The following FGF14 variants were observed in gnomAD, a reference collection of about 807,000 sequenced individuals.
FGF14 encodes fibroblast growth factor 14, also known as fibroblast growth factor homologous factor 4.
Under a neutral mutation model 25.5 loss-of-function variants are expected in FGF14, and 5 were observed. The observed-to-expected ratio is 0.20, with a 90% CI of 0.10 to 0.41. The LOEUF (loss-of-function observed/expected upper bound fraction) is 0.41, where lower values mean the gene tolerates loss of function less well. Ranked by LOEUF, FGF14 falls within the 10% of genes least tolerant of loss-of-function variation. FGF14 has a pLI of 1.00. For synonymous variants in FGF14, 138 were observed against 118.3 expected (o/e 1.17, Z -1.08); for missense variants, 222 against 320.1 (o/e 0.69, Z 2.34).
intron 3 of FGF14, among the ~76,000 whole-genome samples, chr13:101,856,129 T>A (rs569660772): frequency 6.6e-6 from 1 of 151,890 alleles, no homozygotes; most frequent in African/African-American, 2.4e-5. Context: ...GTGGAAAAAA[T>A]TTCTTAATAA....
rs531531461 is a variant in FGF14, at chr13:102,376,237, T to A, written c.208+25234A>T. Among the ~76,000 whole-genome samples, 3 of 152,204 alleles carry A rather than the reference T, an allele frequency of 2.0e-5. No homozygotes were observed. The East Asian group carries it at 5.8e-4, about 29-fold the overall frequency. ...AATAAGTCTCACGAGATCTGACGGTTTATACATGGCAGTTTCCCTACACAA... is the reference window on the plus strand; with the variant it reads ...AATAAGTCTCACGAGATCTGACGGTATATACATGGCAGTTTCCCTACACAA... On this transcript the variant is annotated intron_variant, in intron 1 of 4. Coordinates refer to the FGF14 transcript ENST00000376131.
At chr13:101,998,062 C>T (rs914060825) in intron 1 of FGF14, among the ~76,000 whole-genome samples, 3 of 151,992 alleles carry the variant, frequency 2.0e-5, no homozygotes, top group African/African-American at 4.8e-5. Context: ...TAATCTTTTA[C>T]GATACTTGGA....
intron 1 of FGF14, among the ~76,000 whole-genome samples, chr13:102,108,362 C>T (rs1337203324): frequency 2.0e-5 from 3 of 152,272 alleles, no homozygotes; most frequent in East Asian, 1.9e-4. Flanking sequence ...TGCATATGTT[C>T]GTATTCCTAA....
Position 101,990,899 on chromosome 13 carries a change from G to A in FGF14, c.209-115603C>T, listed in dbSNP as rs779111871. Among the ~76,000 whole-genome samples the A allele has an allele frequency of 5.9e-5, 9 of 152,200 alleles. No individual in the cohort carries two copies. The East Asian group carries it at 1.2e-3, about 20-fold the overall frequency. ...AACATACTCCACAAAGTTGTCATGA[G>A]GGTTGATAAAGGTAATTTAAGTAAA... is the stretch of plus-strand genomic sequence containing the variant. On this transcript the variant is annotated intron_variant, in intron 1 of 4. Coordinates refer to the FGF14 transcript ENST00000376131.
chr13:102,373,864 G>A (rs936693039), intron 1 of FGF14, among the ~76,000 whole-genome samples: 15 of 152,020 alleles, frequency 9.9e-5, no homozygotes, highest in Non-Finnish European at 1.9e-4. Flanking sequence ...AATCACCTAT[G>A]GGGTTCTAAA....
intron 1 of FGF14, among the ~76,000 whole-genome samples, chr13:102,115,362 C>T (rs1386180682): frequency 6.6e-6 from 1 of 152,158 alleles, no homozygotes; most frequent in Non-Finnish European, 1.5e-5. Context: ...GACACAAGAC[C>T]ACTGCTCAAA....
At chr13:101,780,980 C>T (rs770636512) in intron 3 of FGF14, among the ~76,000 whole-genome samples, 3 of 152,120 alleles carry the variant, frequency 2.0e-5, no homozygotes, top group African/African-American at 7.2e-5. Flanking sequence ...ATTTCGTGCG[C>T]GTGCCTCATC....
chr13:101,722,997 G>GCAAA (rs2035097007), intron 4 of FGF14, 30 bp from the exon 5 acceptor site: 4 of 1,612,710 alleles, frequency 2.5e-6, no homozygotes, highest in Non-Finnish European at 2.5e-6. Context: ...AGGAGGAAAA[G>GCAAA]CAAACATTGC....
intron 1 of FGF14, among the ~76,000 whole-genome samples, chr13:102,026,873 T>A (rs1430079326): frequency 3.3e-5 from 5 of 151,992 alleles, no homozygotes; most frequent in African/African-American, 1.2e-4. Context: ...ACAACCAGAT[T>A]TCACTTAGAA....
rs186379200 is a variant in FGF14 at position 101,945,678 on chromosome 13, C to T, written c.209-70382G>A. ...TTCTGCCTTCCTTCTGTCTGCACTC[C>T]CACAAAACCAGGGACAGCATCCTCA... On this transcript the variant is annotated intron_variant, in intron 1 of 4. Coordinates refer to the FGF14 transcript ENST00000376131. 4.9e-3 allele frequency among the ~76,000 whole-genome samples: 744 copies of T among 152,312 alleles called. 4 individuals carry two copies. Among genetic ancestry groups the T allele is most frequent in the Non-Finnish European group, 6.8e-3 (461 of 68,022 alleles).
chr13:101,751,840 C>T (rs1275134800), intron 3 of FGF14, among the ~76,000 whole-genome samples: 1 of 151,780 alleles, frequency 6.6e-6, no homozygotes, highest in Non-Finnish European at 1.5e-5. Flanking sequence ...CTAAATATAG[C>T]ATTCATGGGA....
intron 1 of FGF14, among the ~76,000 whole-genome samples, chr13:102,370,819 T>C (rs1276121616): frequency 6.6e-6 from 1 of 152,074 alleles, no homozygotes; most frequent in Non-Finnish European, 1.5e-5. Context: ...TATTGAGTAC[T>C]GTTTGTTAGG....
intron 3 of FGF14, among the ~76,000 whole-genome samples, chr13:101,744,212 A>G (rs925292258): frequency 6.6e-6 from 1 of 152,102 alleles, no homozygotes; most frequent in African/African-American, 2.4e-5. Flanking sequence ...GTATATGTTG[A>G]AAGTAGCATG....
chr13:102,312,231 A>G (rs2055808365), intron 1 of FGF14, among the ~76,000 whole-genome samples: 1 of 152,078 alleles, frequency 6.6e-6, no homozygotes, highest in Admixed American at 6.6e-5. Flanking sequence ...CCAAAAAAAA[A>G]AAAAAAAAGG....
intron 3 of FGF14, among the ~76,000 whole-genome samples, chr13:101,841,192 A>G (rs2043174460): frequency 6.6e-6 from 1 of 152,008 alleles, no homozygotes; most frequent in Admixed American, 6.6e-5. Context: ...ATAAAAATTA[A>G]AAAGCTATTT....
chr13:102,028,305 A>G (rs1045983370), intron 1 of FGF14, among the ~76,000 whole-genome samples: 1 of 151,996 alleles, frequency 6.6e-6, no homozygotes, highest in Non-Finnish European at 1.5e-5. Context: ...TCACGAATGG[A>G]ATTAGTATTC....
At chr13:102,281,198 ATAAAATAGAGTAGCAT>A (rs1310786153) in intron 1 of FGF14, among the ~76,000 whole-genome samples, 4 of 152,232 alleles carry the variant, frequency 2.6e-5, no homozygotes, top group Non-Finnish European at 4.4e-5. Context: ...TTTACTGGTT[ATAAAATAGAGTAGCAT>A]CAAAACTGAG....
intron 1 of FGF14, among the ~76,000 whole-genome samples, chr13:101,895,839 G>T (rs140158778): frequency 3.4e-4 from 52 of 152,008 alleles, no homozygotes; most frequent in Admixed American, 3.2e-3. Context: ...TTTTTTTTAC[G>T]TAAGTACTTT....
At chr13:102,145,165 G>C (rs2046802590) in intron 1 of FGF14, among the ~76,000 whole-genome samples, 1 of 152,176 alleles carries the variant, frequency 6.6e-6, no homozygotes, top group Non-Finnish European at 1.5e-5. Flanking sequence ...TCCTCCATTT[G>C]GAGGAGGTTG....
Sources: gnomAD v4.1 joint callset for allele counts (sites outside exome capture counted in the v4.1 genomes callset) on GRCh38, gnomAD v4.1.1 for gene constraint, MANE v1.5 for transcripts, NCBI Gene and HGNC (gene_info 2026-07-23, HGNC 2026-07-21) for gene names.